Variants in SPAG16 observed in about 807,000 individuals in gnomAD.
SPAG16 encodes sperm associated antigen 16.
SPAG16 carries 86 observed loss-of-function variants against 80.4 expected under a neutral mutation model. The ratio of observed to expected loss-of-function variants is 1.07; its 90% CI spans 0.90 to 1.28. The LOEUF (loss-of-function observed/expected upper bound fraction) is 1.28, where lower values mean the gene tolerates loss of function less well. SPAG16 is among the 50% of genes most tolerant of loss of function. SPAG16 has a pLI of 0.00. For missense variants in SPAG16, 870 were observed against 765.3 expected (o/e 1.14, Z -1.61); for synonymous variants, 294 against 265.9 (o/e 1.11, Z -1.03).
At chr2:213,895,013 A>AAAAAAAAAAAAAC (rs1559560397) in intron 11 of SPAG16, among the ~76,000 whole-genome samples, 1 of 137,060 alleles carries the variant, frequency 7.3e-6, no homozygotes. Flanking sequence ...AAAAAAAAAA[A>AAAAAAAAAAAAAC]AAAAAACTGA....
chr2:213,404,681 T>C (rs1361074593), intron 9 of SPAG16, among the ~76,000 whole-genome samples: 1 of 152,190 alleles, frequency 6.6e-6, no homozygotes, highest in Non-Finnish European at 1.5e-5. Context: ...CCAAAAGCAA[T>C]GGCAACAAAA....
chr2:214,335,755 C>CTTTTTTTT (rs71037369), intron 15 of SPAG16, among the ~76,000 whole-genome samples: 9 of 90,570 alleles, frequency 9.9e-5, no homozygotes, highest in African/African-American at 2.9e-4. Context: ...TATTAGGATT[C>CTTTTTTTT]TTTTTTTTTT....
At chr2:213,781,152 T>C (rs2069938055) in intron 10 of SPAG16, among the ~76,000 whole-genome samples, 1 of 152,182 alleles carries the variant, frequency 6.6e-6, no homozygotes, top group South Asian at 2.1e-4. Flanking sequence ...TTCCTCTTGG[T>C]TCCTCCATTC....
chr2:213,678,593 A>T (rs150480178), intron 10 of SPAG16, among the ~76,000 whole-genome samples: 1 of 152,176 alleles, frequency 6.6e-6, no homozygotes, highest in East Asian at 1.9e-4. Context: ...TATGCCGGAA[A>T]CTGCCTTGTT....
chr2:213,367,536 C>A (rs1300384011), intron 8 of SPAG16, among the ~76,000 whole-genome samples: 1 of 152,278 alleles, frequency 6.6e-6, no homozygotes, highest in African/African-American at 2.4e-5. Flanking sequence ...CTCTGATGGC[C>A]AGTGTGATGA....
intron 15 of SPAG16, among the ~76,000 whole-genome samples, chr2:214,349,122 A>G (rs1324513744): frequency 6.6e-6 from 1 of 152,152 alleles, no homozygotes; most frequent in Non-Finnish European, 1.5e-5. Flanking sequence ...TTGCTTTTGC[A>G]TGGCACCTAC....
intron 15 of SPAG16, among the ~76,000 whole-genome samples, chr2:214,292,881 G>A (rs1020509351): frequency 4.6e-5 from 7 of 152,170 alleles, no homozygotes; most frequent in Non-Finnish European, 1.0e-4. Flanking sequence ...GAGTGCATGC[G>A]ATATTGTAGT....
chr2:214,176,976 A>G (rs1302359853), intron 15 of SPAG16, among the ~76,000 whole-genome samples: 1 of 151,250 alleles, frequency 6.6e-6, no homozygotes, highest in African/African-American at 2.4e-5. Context: ...TATTTGTGGT[A>G]TATCTATATT....
At position 213,284,510 on chromosome 2, in the gene SPAG16, C is replaced by T. The variant is rs758198227; in HGVS notation, c.27C>T (p.Ser9=). ...TGGCTGCTCAGCGAGGGATGCCCAG[C>T]TCCGCCGTGAGGGTCCTGGAAGAGG... MAAQRGMP[S]SAVRVLEEAL... Residue 9 remains serine (S), a synonymous_variant, in exon 1 of 16, where the codon AGC becomes AGT. Coordinates refer to ENST00000331683, the MANE Select transcript of SPAG16 (RefSeq NM_024532.5). 80 of 1,580,000 alleles carry T rather than the reference C, an allele frequency of 5.1e-5. No homozygotes were observed. The highest frequency in any genetic ancestry group is 6.4e-5 in the Non-Finnish European group (75 of 1,163,320).
intron 12 of SPAG16, among the ~76,000 whole-genome samples, chr2:213,961,281 T>C (rs2044403711): frequency 6.6e-6 from 1 of 152,210 alleles, no homozygotes; most frequent in South Asian, 2.1e-4. Flanking sequence ...TGAATTTGTT[T>C]ATTAGTTTTT....
At chr2:213,649,648 C>T (rs1253652265) in intron 10 of SPAG16, among the ~76,000 whole-genome samples, 2 of 152,272 alleles carry the variant, frequency 1.3e-5, no homozygotes, top group Non-Finnish European at 2.9e-5. Flanking sequence ...GATCACTGCT[C>T]ACTGCAGCCT....
At chr2:213,824,550 G>A (rs1322506376) in intron 10 of SPAG16, among the ~76,000 whole-genome samples, 1 of 152,156 alleles carries the variant, frequency 6.6e-6, no homozygotes, top group African/African-American at 2.4e-5. Flanking sequence ...TGAGTTCACT[G>A]TAGATATATG....
intron 10 of SPAG16, among the ~76,000 whole-genome samples, chr2:213,701,272 G>T (rs2065404217): frequency 6.6e-6 from 1 of 152,000 alleles, no homozygotes; most frequent in Admixed American, 6.6e-5. Flanking sequence ...TAAATAAGAT[G>T]ATCTTATAGG....
chr2:214,108,359 G>A (rs1323370867), intron 14 of SPAG16, 98 bp downstream of exon 14: 1 of 933,878 alleles, frequency 1.1e-6, no homozygotes, highest in Non-Finnish European at 1.6e-6. Flanking sequence ...AAGTTAATGA[G>A]GTGAGAAGAA....
chr2:214,357,445 G>C (rs771249603), intron 15 of SPAG16, among the ~76,000 whole-genome samples: 3 of 151,530 alleles, frequency 2.0e-5, no homozygotes, highest in Non-Finnish European at 4.4e-5. Context: ...GTATCTTCTA[G>C]TGTATTAAGT....
chr2:213,629,061 T>C (rs1263280133), intron 10 of SPAG16, among the ~76,000 whole-genome samples: 1 of 152,146 alleles, frequency 6.6e-6, no homozygotes, highest in African/African-American at 2.4e-5. Context: ...AGGCAACAAC[T>C]TTTTCAGAGG....
intron 13 of SPAG16, among the ~76,000 whole-genome samples, chr2:214,015,835 A>G (rs1452470515): frequency 6.6e-6 from 1 of 152,048 alleles, no homozygotes; most frequent in East Asian, 1.9e-4. Context: ...CCCTTTTTAG[A>G]AGATGATTTT....
intron 6 of SPAG16, among the ~76,000 whole-genome samples, chr2:213,348,312 G>C (rs2065117906): frequency 6.6e-6 from 1 of 152,126 alleles, no homozygotes; most frequent in Non-Finnish European, 1.5e-5. Context: ...ACACAATGAT[G>C]GGTCTTGACT....
intron 12 of SPAG16, among the ~76,000 whole-genome samples, chr2:213,954,967 T>A (rs2044045884): frequency 6.6e-6 from 1 of 152,204 alleles, no homozygotes; most frequent in African/African-American, 2.4e-5. Flanking sequence ...TTTGAATAAA[T>A]GTCTATTCAT....
Sources: gnomAD v4.1 joint callset for allele counts (sites outside exome capture counted in the v4.1 genomes callset) on GRCh38, gnomAD v4.1.1 for gene constraint, MANE v1.5 for transcripts, NCBI Gene and HGNC (gene_info 2026-07-23, HGNC 2026-07-21) for gene names.